The following MTUS2 variants were observed in gnomAD, a reference collection of about 807,000 sequenced individuals.
MTUS2 encodes the protein microtubule-associated tumor suppressor candidate 2.
In MTUS2, 40 loss-of-function variants were observed where a neutral mutation model predicts 114.1. The observed-to-expected ratio is 0.35, with a 90% CI of 0.27 to 0.46. The LOEUF (loss-of-function observed/expected upper bound fraction) is 0.46, where lower values mean the gene tolerates loss of function less well. Ranked by LOEUF, MTUS2 falls within the 20% of genes least tolerant of loss-of-function variation. The pLI is 1.00. For missense variants in MTUS2, 1,679 were observed against 1,705.4 expected (o/e 0.98, Z 0.27); for synonymous variants, 688 against 672.0 (o/e 1.02, Z -0.37).
At chr13:29,435,425 A>G (rs1015227057) in intron 8 of MTUS2, among the ~76,000 whole-genome samples, 1 of 152,144 alleles carries the variant, frequency 6.6e-6, no homozygotes, top group Non-Finnish European at 1.5e-5. Flanking sequence ...CCTTGATCAT[A>G]TTTCAGTCAA....
chr13:29,103,879 G>A (rs1222091656), intron 5 of MTUS2, among the ~76,000 whole-genome samples: 1 of 152,202 alleles, frequency 6.6e-6, no homozygotes, highest in East Asian at 1.9e-4. Context: ...CACACTGACT[G>A]TGGCATGCTA....
At chr13:28,870,022 T>C (rs1042321968) in intron 2 of MTUS2, among the ~76,000 whole-genome samples, 2 of 152,150 alleles carry the variant, frequency 1.3e-5, no homozygotes, top group African/African-American at 4.8e-5. Flanking sequence ...TATTCATGGG[T>C]ATGGGTCATA....
At chr13:29,144,100 C>T (rs1020945832) in intron 5 of MTUS2, among the ~76,000 whole-genome samples, 2 of 152,170 alleles carry the variant, frequency 1.3e-5, no homozygotes, top group Non-Finnish European at 2.9e-5. Context: ...CGCAGTCCCT[C>T]CCTTTAAACT....
At chr13:28,986,460 C>A (rs898680383) in intron 2 of MTUS2, among the ~76,000 whole-genome samples, 3 of 152,208 alleles carry the variant, frequency 2.0e-5, no homozygotes, top group Admixed American at 6.5e-5. Context: ...TTGTATTAAA[C>A]ATGCTACCTC....
At chr13:29,470,782 C>A (rs1252917642) in intron 9 of MTUS2, among the ~76,000 whole-genome samples, 1 of 152,158 alleles carries the variant, frequency 6.6e-6, no homozygotes, top group Non-Finnish European at 1.5e-5. Flanking sequence ...GCACTCAGGC[C>A]CCACTGGTTG....
At chr13:29,343,568 A>G (rs989561558) in intron 7 of MTUS2, among the ~76,000 whole-genome samples, 2 of 151,576 alleles carry the variant, frequency 1.3e-5, no homozygotes, top group African/African-American at 2.4e-5. Context: ...CATCTTGCTA[A>G]TGGTCTATCA....
At chr13:29,160,769 C>G (rs75670608) in intron 5 of MTUS2, among the ~76,000 whole-genome samples, 2 of 119,078 alleles carry the variant, frequency 1.7e-5, no homozygotes, top group Non-Finnish European at 3.8e-5. Context: ...GACTCCGTCT[C>G]AAAAAAAAAA....
chr13:28,984,684 T>C (rs1884500867), intron 2 of MTUS2, among the ~76,000 whole-genome samples: 1 of 152,240 alleles, frequency 6.6e-6, no homozygotes, highest in African/African-American at 2.4e-5. Flanking sequence ...CCTCAATACT[T>C]TCTATAAAAC....
chr13:28,990,593 A>G (rs942399287), intron 2 of MTUS2, among the ~76,000 whole-genome samples: 3 of 152,180 alleles, frequency 2.0e-5, no homozygotes, highest in Non-Finnish European at 1.5e-5. Flanking sequence ...AAACGCACCA[A>G]TCAGTGCTCA....
chr13:29,188,765 C>A (rs1894326397), intron 5 of MTUS2, among the ~76,000 whole-genome samples: 2 of 152,150 alleles, frequency 1.3e-5, no homozygotes, highest in South Asian at 2.1e-4. Context: ...AGTTCCCTTG[C>A]CTACCTCCCC....
intron 8 of MTUS2, among the ~76,000 whole-genome samples, chr13:29,427,250 T>C: frequency 6.6e-6 from 1 of 152,254 alleles, no homozygotes; most frequent in Admixed American, 6.5e-5. Context: ...AATGTGTGAA[T>C]CTTTCCAAAG....
In MTUS2 at chr13:29,452,751, T is replaced by C. The variant is rs190630226; in HGVS notation, c.3184+12702T>C. Among the ~76,000 whole-genome samples the C allele has an allele frequency of 1.7e-3, 254 of 152,170 alleles. 1 individual carries two copies. The highest frequency in any genetic ancestry group is 5.9e-3 in the African/African-American group (245 of 41,504). On this transcript the variant is annotated intron_variant, in intron 9 of 15. Transcript: ENST00000612955. ...GAGCCACTGTGCCTGCTAATGTTAATATTTTTAAATCTGTGAGTTTAATCT... is the reference window on the plus strand; with the variant it reads ...GAGCCACTGTGCCTGCTAATGTTAACATTTTTAAATCTGTGAGTTTAATCT...
At chr13:28,856,197 C>T (rs968378583) in intron 2 of MTUS2, among the ~76,000 whole-genome samples, 1 of 152,156 alleles carries the variant, frequency 6.6e-6, no homozygotes, top group African/African-American at 2.4e-5. Context: ...AAACTAATTC[C>T]CTTAAAATGA....
At chr13:29,168,262 G>A (rs1171584172) in intron 5 of MTUS2, among the ~76,000 whole-genome samples, 1 of 152,134 alleles carries the variant, frequency 6.6e-6, no homozygotes, top group Admixed American at 6.5e-5. Flanking sequence ...GCTTGTTATG[G>A]ACGTTGATGA....
intron 2 of MTUS2, among the ~76,000 whole-genome samples, chr13:28,947,976 T>A (rs990645224): frequency 6.6e-6 from 1 of 152,188 alleles, no homozygotes; most frequent in African/African-American, 2.4e-5. Context: ...TTTAAGTATG[T>A]TGTTTATGCT....
intron 9 of MTUS2, chr13:29,476,427 A>G (rs1209535928): frequency 6.6e-6 from 1 of 152,244 alleles, no homozygotes; most frequent in East Asian, 1.9e-4. Context: ...TAAAATCAGA[A>G]TATGAACTTT....
chr13:29,167,613 T>C (rs577992364), intron 5 of MTUS2, among the ~76,000 whole-genome samples: 2 of 152,206 alleles, frequency 1.3e-5, no homozygotes, highest in African/African-American at 4.8e-5. Context: ...AATCAAAATA[T>C]ATTTTATGAA....
chr13:29,488,061 T>C, intron 11 of MTUS2, 56 bp downstream of exon 11: 1 of 1,362,568 alleles, frequency 7.3e-7, no homozygotes, highest in Non-Finnish European at 1.0e-6. Context: ...TCCGAGCCTT[T>C]CCTGCTGCAG....
At chr13:29,115,563 A>G (rs1392011655) in intron 5 of MTUS2, among the ~76,000 whole-genome samples, 2 of 152,254 alleles carry the variant, frequency 1.3e-5, no homozygotes, top group Non-Finnish European at 2.9e-5. Context: ...GTCAAAAATC[A>G]TAAGAAAAAG....
Sources: gnomAD v4.1 joint callset for allele counts (sites outside exome capture counted in the v4.1 genomes callset) on GRCh38, gnomAD v4.1.1 for gene constraint, MANE v1.5 for transcripts, NCBI Gene and HGNC (gene_info 2026-07-23, HGNC 2026-07-21) for gene names.